PGAP4: variants seen among roughly 807,000 people sequenced by gnomAD.
PGAP4 encodes post-GPI attachment to proteins GalNAc transferase 4, also known as GPI-N-acetylgalactosamine transferase PGAP4.
A neutral mutation model predicts 28.2 loss-of-function variants in PGAP4; 12 were observed. The ratio of observed to expected loss-of-function variants is 0.42; its 90% CI spans 0.27 to 0.69. The LOEUF is 0.69. Among genes scored for constraint, PGAP4 ranks in the 30% least tolerant of loss-of-function variants. PGAP4 has a pLI of 0.22. For synonymous variants in PGAP4, 205 were observed against 211.8 expected (o/e 0.97, Z 0.28); for missense variants, 425 against 513.5 (o/e 0.83, Z 1.67).
chr9:101,521,700 T>C (rs1185543008), intron 2 of PGAP4, among the ~76,000 whole-genome samples: 1 of 152,176 alleles, frequency 6.6e-6, no homozygotes, highest in African/African-American at 2.4e-5. Context: ...TGTTTGTTTG[T>C]TTCAATTTCA....
At chr9:101,528,330 T>A (rs544706885) in intron 2 of PGAP4, among the ~76,000 whole-genome samples, 1 of 152,222 alleles carries the variant, frequency 6.6e-6, no homozygotes, top group African/African-American at 2.4e-5. Flanking sequence ...ATCATAATAG[T>A]CCCTGGGCTT....
chr9:101,481,200 A>AC (rs1447254423), intron 1 of PGAP4, among the ~76,000 whole-genome samples: 106 of 152,314 alleles, frequency 7.0e-4, no homozygotes, highest in Non-Finnish European at 1.2e-3. Context: ...ACAAACACAC[A>AC]AACAAAAAAA....
rs544794409 is a variant in PGAP4 at position 101,494,129 on chromosome 9, A to G, written c.-164-4929T>C. Reference sequence around the variant, plus strand: ...GTTCTTGAGCCTGACAGGAAGTGACAATTTTTATTTACTCATTTTAAGGCT... The same window carrying G: ...GTTCTTGAGCCTGACAGGAAGTGACGATTTTTATTTACTCATTTTAAGGCT... On this transcript the variant is annotated intron_variant, in intron 2 of 3. Coordinates refer to the PGAP4 transcript ENST00000374851. Among the ~76,000 whole-genome samples, 9 of 152,124 alleles carry G rather than the reference A, an allele frequency of 5.9e-5. No individual in the cohort carries two copies. In the South Asian group the frequency reaches 1.9e-3, roughly 32 times the overall value.
intron 2 of PGAP4, among the ~76,000 whole-genome samples, chr9:101,497,691 C>T (rs947195628): frequency 1.3e-5 from 2 of 151,342 alleles, no homozygotes; most frequent in Non-Finnish European, 3.0e-5. Flanking sequence ...AATTTAAAAA[C>T]CAGCTTATTT....
chr9:101,482,952 G>A (rs1826527652), intron 1 of PGAP4, among the ~76,000 whole-genome samples: 1 of 152,150 alleles, frequency 6.6e-6, no homozygotes, highest in African/African-American at 2.4e-5. Flanking sequence ...TCTCAAAATA[G>A]CAATGGAATT....
rs375705359 is a variant in PGAP4, at chr9:101,476,938, T to G, written c.155A>C (p.Tyr52Ser). ...TTGGTTCAGATGCCAATGGCGCAGA[T>G]AGAAGTAAGAGTGTAGAAGTCGGTG... The part of the protein sequence containing the change: ...ACHRLLHSYF[Y>S]LRHWHLNQMS... Residue 52 changes from tyrosine (Y) to serine (S), a missense_variant, in exon 2 of 2, where the codon TAT (tyrosine) becomes TCT (serine). Tyr to Ser is a moderately radical substitution (Grantham distance 144, BLOSUM62 -2). Coordinates refer to ENST00000374848, the MANE Select transcript of PGAP4 (RefSeq NM_032342.3). The surrounding 1 kb of genome is among the most constrained non-coding windows in gnomAD (Gnocchi z 7.0). The G allele has an allele frequency of 6.2e-7, 1 of 1,614,064 alleles. No homozygotes were observed. Among genetic ancestry groups the G allele is most frequent in the Non-Finnish European group, 8.5e-7 (1 of 1,180,000 alleles).
intron 2 of PGAP4, among the ~76,000 whole-genome samples, chr9:101,523,851 T>G (rs1320450778): frequency 6.6e-6 from 1 of 151,880 alleles, no homozygotes; most frequent in Non-Finnish European, 1.5e-5. Context: ...TGGTTTCTTC[T>G]CATTTGGGTA....
chr9:101,518,244 A>G lies in PGAP4; in HGVS notation c.-165+13104T>C, dbSNP rs568563302. On this transcript the variant is annotated intron_variant, in intron 2 of 3. Coordinates refer to the PGAP4 transcript ENST00000374851. ...CTTTTTTATGGCTTCATCATATTCC[A>G]TAGTGTATATGTAGCACATTTTCTT... Among the ~76,000 whole-genome samples, 57 of 152,312 alleles carry G rather than the reference A, an allele frequency of 3.7e-4. 1 individual carries two copies. In the East Asian group the frequency reaches 8.9e-3, roughly 24 times the overall value.
chr9:101,493,502 A>G (rs555656419), intron 2 of PGAP4, among the ~76,000 whole-genome samples: 1 of 152,226 alleles, frequency 6.6e-6, no homozygotes, highest in Non-Finnish European at 1.5e-5. Flanking sequence ...ATTTTTTTTC[A>G]GTTTAACTAA....
At chr9:101,477,797 T>C (rs1220873089) in intron 1 of PGAP4, among the ~76,000 whole-genome samples, 1 of 152,248 alleles carries the variant, frequency 6.6e-6, no homozygotes, top group African/African-American at 2.4e-5. Flanking sequence ...ATTTTATTTT[T>C]ATAGATCATG....
intron 2 of PGAP4, among the ~76,000 whole-genome samples, chr9:101,498,778 C>A (rs1367646530): frequency 1.3e-5 from 2 of 151,900 alleles, no homozygotes; most frequent in Admixed American, 6.6e-5. Context: ...AACTATAAAT[C>A]CTATAAATCC....
rs148942498 is a variant in PGAP4, at chr9:101,506,474, A to G, written c.-164-17274T>C. Among the ~76,000 whole-genome samples the G allele has an allele frequency of 1.1e-4, 17 of 152,194 alleles. No individual in the cohort carries two copies. The East Asian group carries it at 3.3e-3, about 29-fold the overall frequency. On this transcript the variant is annotated intron_variant, in intron 2 of 3. Transcript: ENST00000374851. Reference sequence around the variant, plus strand: ...TTTGCTGTGTAACACAACTCTGGTCAAGTTATTGGGCAGAGACCTTCTGTC... The same window carrying G: ...TTTGCTGTGTAACACAACTCTGGTCGAGTTATTGGGCAGAGACCTTCTGTC...
intron 2 of PGAP4, among the ~76,000 whole-genome samples, chr9:101,510,649 T>C (rs1929485): frequency 0.65 from 98,359 of 151,936 alleles, 32,399 homozygotes; most frequent in East Asian, 0.8. Flanking sequence ...GTATTTTCCC[T>C]TTTTCAAAGA....
At chr9:101,485,450 C>T (rs79474921) in intron 1 of PGAP4, among the ~76,000 whole-genome samples, 1 of 152,070 alleles carries the variant, frequency 6.6e-6, no homozygotes, top group Non-Finnish European at 1.5e-5. Context: ...AGAAAATACT[C>T]GCTATAGTGC....
chr9:101,510,467 G>C (rs1221578824), intron 2 of PGAP4, among the ~76,000 whole-genome samples: 1 of 152,066 alleles, frequency 6.6e-6, no homozygotes, highest in East Asian at 1.9e-4. Flanking sequence ...AGTTTTGAAG[G>C]TTTCATGGCT....
At chr9:101,533,129 T>C (rs1827121316) in exon 1 of PGAP4, 1 of 152,192 alleles carries the variant, frequency 6.6e-6, no homozygotes, top group Non-Finnish European at 1.5e-5. Context: ...TAGCTTAAAA[T>C]AGACTAGTAC....
intron 2 of PGAP4, among the ~76,000 whole-genome samples, chr9:101,499,289 G>T (rs1826777752): frequency 6.6e-6 from 1 of 151,790 alleles, no homozygotes; most frequent in South Asian, 2.1e-4. Flanking sequence ...GGGATCAAAG[G>T]GCTCAAGTGA....
At chr9:101,531,390 T>C (rs1827088763) in exon 2 of PGAP4, 1 of 152,202 alleles carries the variant, frequency 6.6e-6, no homozygotes, top group African/African-American at 2.4e-5. Context: ...GCTCTCTTTG[T>C]AGAATCTTCT....
intron 1 of PGAP4, among the ~76,000 whole-genome samples, chr9:101,477,535 G>A (rs1161589084): frequency 1.3e-5 from 2 of 151,502 alleles, no homozygotes; most frequent in Non-Finnish European, 2.9e-5. Flanking sequence ...TTAAAACGGG[G>A]GCAAAAAAGC....
Sources: allele counts gnomAD v4.1 joint callset (sites outside exome capture counted in the v4.1 genomes callset), GRCh38; gene constraint gnomAD v4.1.1; non-coding constraint Gnocchi (gnomAD v3.1); transcripts MANE v1.5; gene names NCBI Gene and HGNC (gene_info 2026-07-23, HGNC 2026-07-21).